PTPRD: variants seen among roughly 807,000 people sequenced by gnomAD.
The protein encoded by PTPRD is protein tyrosine phosphatase receptor type D.
PTPRD carries 34 observed loss-of-function variants against 214.5 expected under a neutral mutation model. That is an observed-to-expected ratio of 0.16 (90% CI 0.12 to 0.21). PTPRD has a LOEUF of 0.21. PTPRD is among the 10% of genes least tolerant of loss of function. The pLI is 1.00. For missense variants in PTPRD, 2,545 were observed against 2,398.7 expected, an observed-to-expected ratio of 1.06 and a Z score of -1.27; for synonymous variants, 1,128 against 845.7, an observed-to-expected ratio of 1.33 and a Z score of -5.79.
intron 5 of PTPRD, among the ~76,000 whole-genome samples, chr9:9,857,022 C>T (rs1385767458): frequency 6.6e-6 from 1 of 152,096 alleles, no homozygotes; most frequent in Admixed American, 6.6e-5. Flanking sequence ...CAGCTGTGAG[C>T]CTTGGAAGTA....
At chr9:9,955,454 C>G (rs889225615) in intron 4 of PTPRD, among the ~76,000 whole-genome samples, 1 of 151,796 alleles carries the variant, frequency 6.6e-6, no homozygotes, top group African/African-American at 2.4e-5. Context: ...AATTTGGTAC[C>G]CAACTTTACA....
chr9:9,849,503 T>A (rs1398434332), intron 5 of PTPRD, among the ~76,000 whole-genome samples: 2 of 152,136 alleles, frequency 1.3e-5, no homozygotes, highest in Non-Finnish European at 2.9e-5. Context: ...AGAAGTCTGA[T>A]GGTGATGCTA....
chr9:9,718,687 C>T (rs1043087828), intron 7 of PTPRD, among the ~76,000 whole-genome samples: 2 of 152,226 alleles, frequency 1.3e-5, no homozygotes, highest in African/African-American at 4.8e-5. Context: ...AATAGCTAAG[C>T]CCAGGTGCTG....
chr9:8,826,650 A>G (rs1472344406), intron 11 of PTPRD, among the ~76,000 whole-genome samples: 1 of 115,376 alleles, frequency 8.7e-6, no homozygotes, highest in African/African-American at 3.7e-5. Flanking sequence ...TTTTTTCTAT[A>G]TAGTGCTTAT....
At chr9:10,217,358 G>T (rs2099546483) in intron 3 of PTPRD, among the ~76,000 whole-genome samples, 1 of 151,602 alleles carries the variant, frequency 6.6e-6, no homozygotes, top group African/African-American at 2.4e-5. Flanking sequence ...AAGAAAATTA[G>T]AAACCCAACT....
intron 10 of PTPRD, among the ~76,000 whole-genome samples, chr9:9,150,398 T>G (rs2154487516): frequency 6.7e-6 from 1 of 149,056 alleles, no homozygotes; most frequent in Non-Finnish European, 1.5e-5. Context: ...TTTCATCATC[T>G]AATTGAAACT....
chr9:10,190,457 C>G (rs1407067870), intron 3 of PTPRD, among the ~76,000 whole-genome samples: 2 of 140,170 alleles, frequency 1.4e-5, no homozygotes, highest in Non-Finnish European at 3.0e-5. Context: ...GTGGCTTATG[C>G]CTGTAATCCC....
intron 10 of PTPRD, among the ~76,000 whole-genome samples, chr9:9,131,203 C>T (rs2099842040): frequency 6.6e-6 from 1 of 152,168 alleles, no homozygotes; most frequent in Non-Finnish European, 1.5e-5. Context: ...TGCATTGTCT[C>T]TGCTCTACTT....
chr9:10,485,862 T>TGGCAGGCAGTTTCTC (rs2099129224), intron 2 of PTPRD, among the ~76,000 whole-genome samples: 1 of 152,122 alleles, frequency 6.6e-6, no homozygotes, highest in African/African-American at 2.4e-5. Flanking sequence ...TTCAGTTTAT[T>TGGCAGGCAGTTTCTC]GGCAGGCAGT....
intron 12 of PTPRD, among the ~76,000 whole-genome samples, chr9:8,640,593 G>A (rs553926275): frequency 3.4e-5 from 5 of 146,628 alleles, no homozygotes; most frequent in Admixed American, 2.0e-4. Flanking sequence ...ACCTAAAAGG[G>A]CTCTTAAATT....
chr9:8,927,874 T>TA (rs1379411209), intron 11 of PTPRD, among the ~76,000 whole-genome samples: 7 of 152,278 alleles, frequency 4.6e-5, no homozygotes, highest in Admixed American at 3.3e-4. Flanking sequence ...CATCTGTTGT[T>TA]TCCTGACTTT....
chr9:9,832,942 G>A (rs990571405), intron 5 of PTPRD, among the ~76,000 whole-genome samples: 1 of 151,124 alleles, frequency 6.6e-6, no homozygotes, highest in Non-Finnish European at 1.5e-5. Context: ...TATTGTTTTA[G>A]AAATTTTAAG....
chr9:9,387,921 C>G (rs1279207650), intron 9 of PTPRD, among the ~76,000 whole-genome samples: 1 of 152,132 alleles, frequency 6.6e-6, no homozygotes, highest in Non-Finnish European at 1.5e-5. Flanking sequence ...TTACAGGGTG[C>G]TCTTTTAGTT....
chr9:10,197,571 C>A lies in PTPRD; in HGVS notation c.-545+143392G>T, dbSNP rs368398021. On this transcript the variant is annotated intron_variant, in intron 3 of 45. Transcript: ENST00000381196. ...GTAAGAAATAAGAGGTACGTTTTGA[C>A]TGTCTTTACATTGAACAAATCAGCC... Among the ~76,000 whole-genome samples the A allele has an allele frequency of 1.3e-3, 192 of 152,230 alleles. 6 individuals carry two copies. The South Asian group carries it at 0.037, about 29-fold the overall frequency.
chr9:9,910,628 G>T (rs371597068), intron 5 of PTPRD, among the ~76,000 whole-genome samples: 7 of 151,918 alleles, frequency 4.6e-5, no homozygotes, highest in South Asian at 2.1e-4. Flanking sequence ...ATTGCTTGTG[G>T]AATTAGGCAT....
At chr9:8,351,617 G>A (rs2075472367) in intron 39 of PTPRD, among the ~76,000 whole-genome samples, 1 of 151,870 alleles carries the variant, frequency 6.6e-6, no homozygotes, top group South Asian at 2.1e-4. Context: ...AAGTCTGGGT[G>A]ATGTTGGCAG....
chr9:8,944,731 G>T (rs1021970965), intron 11 of PTPRD, among the ~76,000 whole-genome samples: 61 of 152,010 alleles, frequency 4.0e-4, no homozygotes, highest in African/African-American at 1.4e-3. Context: ...TAGGATGACG[G>T]TTACCAGAGG....
At chr9:9,776,474 G>C (rs868502544) in intron 5 of PTPRD, among the ~76,000 whole-genome samples, 2 of 151,934 alleles carry the variant, frequency 1.3e-5, no homozygotes, top group African/African-American at 2.4e-5. Flanking sequence ...TTCTCATCTA[G>C]CATCTAGCAT....
chr9:9,663,939 A>C (rs1399042869), intron 7 of PTPRD, among the ~76,000 whole-genome samples: 1 of 151,382 alleles, frequency 6.6e-6, no homozygotes, highest in East Asian at 1.9e-4. Context: ...AAGTTTTAGA[A>C]ACTCTTTCAC....
Sources: allele counts gnomAD v4.1 joint callset (sites outside exome capture counted in the v4.1 genomes callset), GRCh38; gene constraint gnomAD v4.1.1; transcripts MANE v1.5; gene names NCBI Gene and HGNC (gene_info 2026-07-23, HGNC 2026-07-21).